Variants in SYNE1 observed in about 807,000 individuals in gnomAD.
SYNE1 encodes spectrin repeat containing nuclear envelope protein 1.
A neutral mutation model predicts 1,111.0 loss-of-function variants in SYNE1; 616 were observed. The ratio of observed to expected loss-of-function variants is 0.55; its 90% CI spans 0.52 to 0.59. The LOEUF (loss-of-function observed/expected upper bound fraction) is 0.59, where lower values mean the gene tolerates loss of function less well. Ranked by LOEUF, SYNE1 falls within the 20% of genes least tolerant of loss-of-function variation. SYNE1 has a pLI of 0.00. For synonymous variants in SYNE1, 3,855 were observed against 3,825.8 expected, an observed-to-expected ratio of 1.01 and a Z score of -0.28; for missense variants, 10,006 against 10,417.0, an observed-to-expected ratio of 0.96 and a Z score of 1.72.
intron 9 of SYNE1, 95 bp downstream of exon 9, chr6:152,505,106 C>T (rs2099050700): frequency 5.7e-6 from 8 of 1,409,520 alleles, no homozygotes; most frequent in African/African-American, 1.4e-5. Context: ...TTTCTGGCCT[C>T]CAATAGAATC....
chr6:152,328,272 T>C (rs529373509), intron 78 of SYNE1, among the ~76,000 whole-genome samples: 1 of 152,158 alleles, frequency 6.6e-6, no homozygotes, highest in Non-Finnish European at 1.5e-5. Context: ...CCTAAAGGGT[T>C]GGTTGACATC....
intron 99 of SYNE1, among the ~76,000 whole-genome samples, chr6:152,268,407 A>G (rs2092914004): frequency 6.9e-6 from 1 of 144,768 alleles, no homozygotes; most frequent in Admixed American, 6.9e-5. Context: ...AAAAAAAACC[A>G]CCAATGGGAA....
chr6:152,340,504 G>A (rs1332562206), intron 74 of SYNE1, among the ~76,000 whole-genome samples: 2 of 152,170 alleles, frequency 1.3e-5, no homozygotes, highest in African/African-American at 4.8e-5. Flanking sequence ...AATGCCAGCA[G>A]TGTCCCCACC....
chr6:152,470,818 C>T (rs2098801305), intron 16 of SYNE1, among the ~76,000 whole-genome samples: 1 of 152,058 alleles, frequency 6.6e-6, no homozygotes, highest in East Asian at 1.9e-4. Context: ...GACTAAGATA[C>T]TCTATTAACA....
At chr6:152,391,170 T>A in intron 52 of SYNE1, 107 bp downstream of exon 52, 1 of 1,546,024 alleles carries the variant, frequency 6.5e-7, no homozygotes, top group Non-Finnish European at 8.8e-7. Context: ...GCCCACACAA[T>A]CCTCATTTAG....
At chr6:152,543,646 G>A (rs2099286274) in intron 3 of SYNE1, among the ~76,000 whole-genome samples, 1 of 152,180 alleles carries the variant, frequency 6.6e-6, no homozygotes, top group African/African-American at 2.4e-5. Context: ...ACTGCATAAT[G>A]ATTTTTTGGC....
chr6:152,253,819 T>TG (rs2090070491), intron 104 of SYNE1, among the ~76,000 whole-genome samples: 1 of 28,452 alleles, frequency 3.5e-5, no homozygotes, highest in Non-Finnish European at 5.3e-5. Flanking sequence ...AGTGGTTTGG[T>TG]TTTTTTTTTT....
intron 12 of SYNE1, among the ~76,000 whole-genome samples, chr6:152,487,484 T>C (rs111972568): frequency 5.9e-5 from 9 of 152,348 alleles, no homozygotes; most frequent in African/African-American, 1.9e-4. Context: ...GTCTTTGCTA[T>C]TGAAATCACA....
chr6:152,417,674 C>T (rs1046987978), intron 40 of SYNE1, among the ~76,000 whole-genome samples: 1 of 151,902 alleles, frequency 6.6e-6, no homozygotes, highest in Non-Finnish European at 1.5e-5. Context: ...TTTAAAGATG[C>T]ATATATGTAT....
intron 100 of SYNE1, among the ~76,000 whole-genome samples, chr6:152,264,812 A>C (rs2092508236): frequency 6.6e-6 from 1 of 151,706 alleles, no homozygotes; most frequent in South Asian, 2.1e-4. Flanking sequence ...GAAAAATAAA[A>C]CTCTTAAAAT....
At position 152,163,879 on chromosome 6, in the gene SYNE1, G is replaced by A. The variant is rs138334524; in HGVS notation, c.23790+284C>T. Among the ~76,000 whole-genome samples, 583 of 152,210 alleles carry A rather than the reference G, an allele frequency of 3.8e-3. 4 individuals are homozygous for A. The highest frequency in any genetic ancestry group is 0.013 in the African/African-American group (546 of 41,534). The stretch of plus-strand genomic sequence containing the variant: ...AATCTGTTAGCACTGTTTTAGATAC[G>A]TAATTGCAACTCCACCTTACCTACC... On this transcript the variant is annotated intron_variant, in intron 131 of 145. Transcript: ENST00000367255.
chr6:152,410,978 T>G (rs571501913), intron 42 of SYNE1, among the ~76,000 whole-genome samples: 1 of 152,222 alleles, frequency 6.6e-6, no homozygotes, highest in South Asian at 2.1e-4. Context: ...TGTAGGATAA[T>G]GTTTAATAAT....
intron 138 of SYNE1, among the ~76,000 whole-genome samples, chr6:152,142,443 AT>A (rs1465495555): frequency 1.3e-5 from 2 of 152,260 alleles, no homozygotes; most frequent in Admixed American, 6.5e-5. Context: ...TATAAAAAAA[AT>A]GTAAGCAATG....
intron 119 of SYNE1, among the ~76,000 whole-genome samples, chr6:152,220,616 G>T (rs1181992040): frequency 1.3e-5 from 2 of 152,128 alleles, no homozygotes; most frequent in African/African-American, 4.8e-5. Flanking sequence ...TAGGAAAAAT[G>T]GGAAAACAAC....
rs992638910 is a variant in SYNE1, at chr6:152,268,172, A to C, written c.18706-7T>G. ...CTAATTCCTGTTCTAACTCCTGCTC[A>C]AGGGAAAGGACAAACGCAAACACAT... is the stretch of plus-strand genomic sequence containing the variant. On this transcript the variant is annotated splice_region_variant and splice_polypyrimidine_tract_variant and intron_variant, in intron 99 of 145. Coordinates refer to ENST00000367255, the MANE Select transcript of SYNE1 (RefSeq NM_182961.4). 6.2e-7 allele frequency: 1 copy of C among 1,609,338 alleles called. No individual in the cohort carries two copies. Among genetic ancestry groups the C allele is most frequent in the Non-Finnish European group, 8.5e-7 (1 of 1,175,578 alleles).
chr6:152,551,497 G>A (rs973608773), intron 3 of SYNE1, among the ~76,000 whole-genome samples: 3 of 152,178 alleles, frequency 2.0e-5, no homozygotes, highest in Admixed American at 2.0e-4. Context: ...AGCTGTGGAT[G>A]CAATCTGAGA....
In SYNE1 at chr6:152,381,179, T is replaced by C. The variant is rs536230142; in HGVS notation, c.8836A>G (p.Asn2946Asp). Residue 2946 changes from asparagine (N) to aspartate (D), a missense_variant, in exon 56 of 146, where the codon AAC (asparagine) becomes GAC (aspartate). Transcript: ENST00000367255. Reference sequence around the variant, plus strand: ...GAAAGGGCCATCTGGCTGACCAGGTTCTCCAAACAGCTCTGCGTTTGGAAT... The same window carrying C: ...GAAAGGGCCATCTGGCTGACCAGGTCCTCCAAACAGCTCTGCGTTTGGAAT... ...SVFQTQSCLE[N>D]LVSQMALSEQ... is the part of the protein sequence containing the mutation. The C allele has an allele frequency of 6.2e-7, 1 of 1,614,224 alleles. No individual in the cohort carries two copies. Among genetic ancestry groups the C allele is most frequent in the East Asian group, 2.2e-5 (1 of 44,880 alleles).
chr6:152,187,374 A>G (rs188484792), intron 128 of SYNE1, among the ~76,000 whole-genome samples: 287 of 152,310 alleles, frequency 1.9e-3, no homozygotes, highest in Non-Finnish European at 3.1e-3. Flanking sequence ...ACTCTGTTTA[A>G]TGGTTCCTGA....
intron 61 of SYNE1, chr6:152,368,640 A>C (rs753343151): frequency 3.9e-6 from 1 of 255,388 alleles, no homozygotes; most frequent in Non-Finnish European, 7.7e-6. Context: ...AAAAAAAATC[A>C]TGTTTATGAT....
Sources: gnomAD v4.1 joint callset for allele counts (sites outside exome capture counted in the v4.1 genomes callset) on GRCh38, gnomAD v4.1.1 for gene constraint, MANE v1.5 for transcripts, NCBI Gene and HGNC (gene_info 2026-07-23, HGNC 2026-07-21) for gene names.